CHD7: variants seen among roughly 807,000 people sequenced by gnomAD.
CHD7 encodes the protein chromodomain helicase DNA binding protein 7.
A neutral mutation model predicts 307.3 loss-of-function variants in CHD7; 24 were observed. The observed-to-expected ratio is 0.08, with a 90% confidence interval of 0.06 to 0.11. The LOEUF (loss-of-function observed/expected upper bound fraction) is 0.11. Among genes scored for constraint, CHD7 ranks in the 10% least tolerant of loss-of-function variants. CHD7 has a pLI of 1.00. For synonymous variants in CHD7, 1,363 were observed against 1,349.9 expected, an observed-to-expected ratio of 1.01 and a Z score of -0.21; for missense variants, 3,106 against 3,727.1, an observed-to-expected ratio of 0.83 and a Z score of 4.34.
At chr8:60,815,573 A>T (rs1803695686) in intron 7 of CHD7, among the ~76,000 whole-genome samples, 1 of 152,142 alleles carries the variant, frequency 6.6e-6, no homozygotes, top group Admixed American at 6.5e-5. Context: ...GGAAGTGCAT[A>T]TGTATTCCAG....
intron 3 of CHD7, among the ~76,000 whole-genome samples, chr8:60,789,618 C>T (rs942310717): frequency 3.9e-5 from 6 of 152,112 alleles, no homozygotes; most frequent in South Asian, 2.1e-4. Flanking sequence ...TCTATTAGGC[C>T]GACACTAATC....
At chr8:60,771,213 G>GA (rs1810692923) in intron 2 of CHD7, among the ~76,000 whole-genome samples, 1 of 152,278 alleles carries the variant, frequency 6.6e-6, no homozygotes, top group East Asian at 1.9e-4. Flanking sequence ...ATCCTAGGTA[G>GA]AAAAACAATT....
chr8:60,864,994 G>T, intron 37 of CHD7, 22 bp from the exon 38 acceptor site: 1 of 1,563,312 alleles, frequency 6.4e-7, no homozygotes, highest in Non-Finnish European at 8.7e-7. Context: ...TATAGCCACT[G>T]TTTGCCTCCC....
intron 25 of CHD7, 97 bp from the exon 26 acceptor site, chr8:60,850,396 A>G: frequency 2.8e-6 from 4 of 1,449,294 alleles, no homozygotes; most frequent in Admixed American, 4.5e-5. Context: ...CCTTGACTGA[A>G]AAACAAACTT....
At position 60,856,702 on chromosome 8, in the gene CHD7, G is replaced by T; in HGVS notation, c.7422G>T (p.Val2474=). ...TCTTGCCTAATGTCTCAACACCAGTGTCTGATGCCTTTAAGACTCAAATGG... is the reference window on the plus strand; with the variant it reads ...TCTTGCCTAATGTCTCAACACCAGTTTCTGATGCCTTTAAGACTCAAATGG... ...KFILPNVSTP[V]SDAFKTQMEL... Residue 2474 remains valine, a synonymous_variant, in exon 34 of 38, where the codon GTG becomes GTT. Coordinates refer to ENST00000423902, the MANE Select transcript of CHD7 (RefSeq NM_017780.4). 1 of 1,614,024 alleles carries T rather than the reference G, an allele frequency of 6.2e-7. No homozygotes were observed. Among genetic ancestry groups the T allele is most frequent in the Non-Finnish European group, 8.5e-7 (1 of 1,179,890 alleles).
intron 3 of CHD7, among the ~76,000 whole-genome samples, chr8:60,793,675 A>G (rs879521052): frequency 2.6e-5 from 4 of 152,226 alleles, no homozygotes; most frequent in Admixed American, 2.0e-4. Context: ...ACAAACTTCA[A>G]TAAATAAAAT....
rs1258178852 is a variant in CHD7, at chr8:60,679,009, G to A, written c.-248G>A. 1 of 151,214 alleles carries A rather than the reference G, an allele frequency of 6.6e-6. No individual in the cohort carries two copies. The highest frequency in any genetic ancestry group is 1.5e-5 in the Non-Finnish European group (1 of 67,860). 9.4% of individuals were successfully genotyped at this position (151,214 alleles called of 1,614,324 possible). ...ATTCAGCCCCCTGGCCGCAGCTGCC[G>A]AGCCAACTCCGGAGCCCGCTCTGCG... On this transcript the variant is annotated 5_prime_UTR_variant, in exon 1 of 38. Transcript: ENST00000423902.
chr8:60,853,122 C>G lies in CHD7; in HGVS notation c.6397C>G (p.Gln2133Glu). Residue 2133 changes from glutamine to glutamate, a missense_variant, in exon 31 of 38, where the codon CAA (glutamine) becomes GAA (glutamate). By Grantham distance (29) the Gln-to-Glu change is conservative. Coordinates refer to ENST00000423902, the MANE Select transcript of CHD7 (RefSeq NM_017780.4). ...SFLDAHKNFA[Q>E]NRGAGNTSSL... ...CTTGGATGCACATAAAAACTTTGCT[C>G]AAAACAGAGGGGCAGGTAATACATC... 6.2e-7 allele frequency: 1 copy of G among 1,613,904 alleles called. No individual in the cohort carries two copies. The highest frequency in any genetic ancestry group is 8.5e-7 in the Non-Finnish European group (1 of 1,179,866).
chr8:60,794,816 T>G (rs950397533), intron 3 of CHD7, among the ~76,000 whole-genome samples, 170 bp from the exon 4 acceptor site: 4 of 152,224 alleles, frequency 2.6e-5, no homozygotes, highest in South Asian at 2.1e-4. Context: ...GTCATTAATA[T>G]GGAGTTTTGC....
rs376455384 is a variant in CHD7, at chr8:60,741,876, G to A, written c.444G>A (p.Arg148=). The A allele has an allele frequency of 2.4e-4, 395 of 1,613,712 alleles. 2 individuals are homozygous for A. Among genetic ancestry groups the A allele is most frequent in the Admixed American group, 5.3e-4 (32 of 60,018 alleles). ...ACAGCAGCTCCATGTGGGGCCCCAG[G>A]GCTGTTCAGGTACCAGACCAGATAC... ...FVDSSSMWGP[R]AVQVPDQIRA... is the part of the protein sequence containing the mutation. The change falls in exon 2 of 38, where the codon AGG becomes AGA. Residue 148 remains arginine, a synonymous_variant. Transcript: ENST00000423902.
chr8:60,724,848 T>C (rs1808089822), intron 1 of CHD7, among the ~76,000 whole-genome samples: 1 of 152,204 alleles, frequency 6.6e-6, no homozygotes, highest in Non-Finnish European at 1.5e-5. Flanking sequence ...AAAATGCTGA[T>C]GTTAAGTCAT....
At chr8:60,850,055 G>C (rs987328304) in intron 25 of CHD7, among the ~76,000 whole-genome samples, 1 of 152,158 alleles carries the variant, frequency 6.6e-6, no homozygotes, top group East Asian at 1.9e-4. Context: ...TTATGTATAT[G>C]GGGATTTTTC....
chr8:60,689,807 T>G lies in CHD7; in HGVS notation c.-175+10725T>G, dbSNP rs533149833. On this transcript the variant is annotated intron_variant, in intron 1 of 37. Transcript: ENST00000423902. ...AAGACTTAGTAGTGCTCTAACCCTG[T>G]TTTCACTTATCAGTCCAAGACGTAG... is the stretch of plus-strand genomic sequence containing the variant. 2.6e-5 allele frequency among the ~76,000 whole-genome samples: 4 copies of G among 152,362 alleles called. No individual in the cohort carries two copies. In the South Asian group the frequency reaches 8.3e-4, roughly 32 times the overall value.
At chr8:60,848,127 A>G (rs754973280) in intron 23 of CHD7, among the ~76,000 whole-genome samples, 3 of 152,246 alleles carry the variant, frequency 2.0e-5, no homozygotes, top group African/African-American at 7.2e-5. Flanking sequence ...AGGAAATTTT[A>G]TGAGATAATG....
chr8:60,835,508 G>A (rs1360279153), intron 15 of CHD7, among the ~76,000 whole-genome samples: 1 of 152,160 alleles, frequency 6.6e-6, no homozygotes, highest in Non-Finnish European at 1.5e-5. Context: ...TGTATGCTTA[G>A]GTCCCCCACA....
At chr8:60,683,185 T>C (rs1805715663) in intron 1 of CHD7, among the ~76,000 whole-genome samples, 1 of 152,254 alleles carries the variant, frequency 6.6e-6, no homozygotes, top group African/African-American at 2.4e-5. Flanking sequence ...CAGGAGATAC[T>C]ATTTTCCCCT....
intron 15 of CHD7, among the ~76,000 whole-genome samples, chr8:60,833,032 A>G (rs920204043): frequency 2.0e-5 from 3 of 152,240 alleles, no homozygotes; most frequent in Non-Finnish European, 4.4e-5. Flanking sequence ...AGCTGCCCAG[A>G]TAACTTACGC....
chr8:60,804,774 G>A (rs1812466058), intron 6 of CHD7, among the ~76,000 whole-genome samples: 1 of 152,048 alleles, frequency 6.6e-6, no homozygotes, highest in Non-Finnish European at 1.5e-5. Flanking sequence ...CTAGACTCTG[G>A]GTGGCTATTT....
At chr8:60,784,243 G>T (rs921062949) in intron 3 of CHD7, among the ~76,000 whole-genome samples, 2 of 152,322 alleles carry the variant, frequency 1.3e-5, no homozygotes, top group African/African-American at 4.8e-5. Flanking sequence ...GAATACAACA[G>T]TGGCAATTTT....
Sources: allele counts gnomAD v4.1 joint callset (sites outside exome capture counted in the v4.1 genomes callset), GRCh38; gene constraint gnomAD v4.1.1; transcripts MANE v1.5; gene names NCBI Gene and HGNC (gene_info 2026-07-23, HGNC 2026-07-21).